The following SLC9A9 variants were observed in gnomAD, a reference collection of about 807,000 sequenced individuals.
SLC9A9 encodes solute carrier family 9 member A9.
Under a neutral mutation model 77.8 loss-of-function variants are expected in SLC9A9, and 62 were observed. The observed-to-expected ratio is 0.80, with a 90% CI of 0.65 to 0.98. The LOEUF is 0.98. SLC9A9 is among the 50% of genes least tolerant of loss of function. The probability of loss-of-function intolerance (pLI) is 0.00; values close to 1 mark genes in which losing one functional copy is unlikely to be tolerated. For synonymous variants in SLC9A9, 320 were observed against 283.5 expected, an observed-to-expected ratio of 1.13 and a Z score of -1.29; for missense variants, 775 against 774.9, an observed-to-expected ratio of 1.00 and a Z score of 0.00.
rs1416849983 is a variant in SLC9A9, at chr3:143,382,125, A to C, written c.1470-11T>G. ...AGGTCCACGCCAACTCTGTTAAACA[A>C]AACCAAAAACTGGTCAATCCCCTGC... is the stretch of plus-strand genomic sequence containing the variant. On this transcript the variant is annotated splice_polypyrimidine_tract_variant and intron_variant, in intron 12 of 15. Coordinates refer to ENST00000316549, the MANE Select transcript of SLC9A9 (RefSeq NM_173653.4). 1 of 1,610,452 alleles carries C rather than the reference A, an allele frequency of 6.2e-7. No homozygotes were observed. The highest frequency in any genetic ancestry group is 1.7e-5 in the Admixed American group (1 of 59,678).
At chr3:143,542,599 G>C (rs1006585376) in intron 9 of SLC9A9, among the ~76,000 whole-genome samples, 1 of 152,124 alleles carries the variant, frequency 6.6e-6, no homozygotes, top group Non-Finnish European at 1.5e-5. Context: ...GCAAGTAATG[G>C]AATTGTACTT....
chr3:143,555,726 G>A lies in SLC9A9; in HGVS notation c.1001-3276C>T, dbSNP rs190599995. 9.2e-5 allele frequency among the ~76,000 whole-genome samples: 14 copies of A among 152,282 alleles called. No homozygotes were observed. In the East Asian group the frequency reaches 2.7e-3, roughly 29 times the overall value. ...TTACATATCTCTCTGAACTAGCTGG[G>A]CTTATCATTGGAGAATATTTTCCCT... On this transcript the variant is annotated intron_variant, in intron 8 of 15. Transcript: ENST00000316549.
At chr3:143,443,248 CAT>C (rs972124019) in intron 12 of SLC9A9, among the ~76,000 whole-genome samples, 4 of 152,070 alleles carry the variant, frequency 2.6e-5, no homozygotes, top group African/African-American at 9.7e-5. Flanking sequence ...TGTCTCACCA[CAT>C]GTTTTCCATT....
At chr3:143,530,709 A>G (rs755604992) in intron 9 of SLC9A9, among the ~76,000 whole-genome samples, 18 of 152,220 alleles carry the variant, frequency 1.2e-4, no homozygotes, top group Non-Finnish European at 2.2e-4. Context: ...AGTTTTTGCA[A>G]CATGAAGAAA....
At chr3:143,682,902 T>A (rs1933147984) in intron 5 of SLC9A9, among the ~76,000 whole-genome samples, 1 of 152,184 alleles carries the variant, frequency 6.6e-6, no homozygotes, top group South Asian at 2.1e-4. Context: ...ATTCAGATAA[T>A]CCAGGGTAAT....
At chr3:143,716,279 G>A (rs911086528) in intron 4 of SLC9A9, among the ~76,000 whole-genome samples, 2 of 151,996 alleles carry the variant, frequency 1.3e-5, no homozygotes, top group Non-Finnish European at 2.9e-5. Flanking sequence ...TCCCTATGTT[G>A]TCTGAGCTGG....
chr3:143,748,137 T>C (rs1935239542), intron 4 of SLC9A9, among the ~76,000 whole-genome samples: 2 of 152,250 alleles, frequency 1.3e-5, no homozygotes, highest in African/African-American at 2.4e-5. Flanking sequence ...TTCTTGATCA[T>C]TATGAACACA....
chr3:143,624,875 A>C (rs1470853399), intron 6 of SLC9A9, among the ~76,000 whole-genome samples: 1 of 152,250 alleles, frequency 6.6e-6, no homozygotes, highest in African/African-American at 2.4e-5. Flanking sequence ...CCATCATCTC[A>C]GCCCAAAATC....
chr3:143,560,096 G>T (rs531442304), intron 8 of SLC9A9, among the ~76,000 whole-genome samples: 88 of 152,330 alleles, frequency 5.8e-4, no homozygotes, highest in African/African-American at 2.0e-3. Context: ...GAATCCACAA[G>T]GCAATGATTT....
At chr3:143,500,833 TAAATGCAATAA>T (rs11274042) in intron 9 of SLC9A9, among the ~76,000 whole-genome samples, 1,791 of 143,578 alleles carry the variant, frequency 0.012, 170 homozygotes, top group African/African-American at 0.05. Flanking sequence ...TAAAATATCA[TAAATGCAATAA>T]AATTTGCATT....
intron 12 of SLC9A9, among the ~76,000 whole-genome samples, chr3:143,394,188 A>G (rs2033641240): frequency 1.3e-5 from 2 of 152,238 alleles, no homozygotes; most frequent in Admixed American, 6.5e-5. Flanking sequence ...ATGAACATCA[A>G]TGCAAAAATC....
At chr3:143,676,669 G>A (rs762426310) in intron 5 of SLC9A9, among the ~76,000 whole-genome samples, 2 of 152,086 alleles carry the variant, frequency 1.3e-5, no homozygotes, top group Non-Finnish European at 2.9e-5. Flanking sequence ...CCCAGGAGGC[G>A]GAAGTTGCAG....
At chr3:143,586,608 C>T (rs927001254) in intron 6 of SLC9A9, among the ~76,000 whole-genome samples, 1 of 152,062 alleles carries the variant, frequency 6.6e-6, no homozygotes, top group African/African-American at 2.4e-5. Context: ...ATAACTGTAC[C>T]AACCTGCCCT....
chr3:143,706,125 T>C (rs1483278683), intron 4 of SLC9A9, among the ~76,000 whole-genome samples: 2 of 152,234 alleles, frequency 1.3e-5, no homozygotes, highest in Admixed American at 6.5e-5. Context: ...ATTCTGAATT[T>C]TTCCCCTGGA....
chr3:143,527,419 A>G (rs1165096347), intron 9 of SLC9A9, among the ~76,000 whole-genome samples: 1 of 152,204 alleles, frequency 6.6e-6, no homozygotes. Flanking sequence ...AAATTAGATA[A>G]CAGTAGCACA....
chr3:143,651,615 G>A (rs2038796948), intron 6 of SLC9A9, among the ~76,000 whole-genome samples: 1 of 152,162 alleles, frequency 6.6e-6, no homozygotes. Context: ...CATAGTGAAA[G>A]CCACTGAAGT....
chr3:143,569,285 G>A (rs1429498867), intron 8 of SLC9A9, among the ~76,000 whole-genome samples: 1 of 151,244 alleles, frequency 6.6e-6, no homozygotes, highest in Non-Finnish European at 1.5e-5. Context: ...AAACCATGAA[G>A]CTGAAATAAT....
intron 9 of SLC9A9, among the ~76,000 whole-genome samples, chr3:143,531,931 G>T (rs1031652526): frequency 1.3e-5 from 2 of 152,104 alleles, no homozygotes; most frequent in Non-Finnish European, 2.9e-5. Flanking sequence ...TCTATCCTGA[G>T]GATACAATGG....
At chr3:143,804,603 C>T (rs139917394) in intron 2 of SLC9A9, among the ~76,000 whole-genome samples, 71 of 152,292 alleles carry the variant, frequency 4.7e-4, no homozygotes, top group African/African-American at 1.5e-3. Flanking sequence ...CCTCTACCTA[C>T]GTGTGTCTAC....
Sources: allele counts gnomAD v4.1 joint callset (sites outside exome capture counted in the v4.1 genomes callset), GRCh38; gene constraint gnomAD v4.1.1; transcripts MANE v1.5; gene names NCBI Gene and HGNC (gene_info 2026-07-23, HGNC 2026-07-21).